Variants in TMEM135 observed in about 807,000 individuals in gnomAD.
TMEM135 encodes peroxisomal membrane protein 52.
Under a neutral mutation model 60.3 loss-of-function variants are expected in TMEM135, and 30 were observed. The observed-to-expected ratio is 0.50, with a 90% confidence interval of 0.37 to 0.68. The LOEUF is 0.68. Among genes scored for constraint, TMEM135 ranks in the 30% least tolerant of loss-of-function variants. TMEM135 has a pLI of 0.00. For synonymous variants in TMEM135, 190 were observed against 186.7 expected (o/e 1.02, Z -0.14); for missense variants, 468 against 548.8 (o/e 0.85, Z 1.47).
chr11:87,312,689 A>G (rs1942661482), intron 10 of TMEM135, among the ~76,000 whole-genome samples: 1 of 151,806 alleles, frequency 6.6e-6, no homozygotes, highest in Admixed American at 6.6e-5. Flanking sequence ...ACATCATAAG[A>G]TGTTGTCATT....
chr11:87,099,893 A>G (rs1176560976), intron 4 of TMEM135, among the ~76,000 whole-genome samples: 1 of 151,658 alleles, frequency 6.6e-6, no homozygotes, highest in Non-Finnish European at 1.5e-5. Flanking sequence ...TTGTTGGTCA[A>G]GCTGGTCTCG....
intron 6 of TMEM135, among the ~76,000 whole-genome samples, chr11:87,240,909 C>T (rs500181): frequency 0.094 from 13,539 of 143,450 alleles, 620 homozygotes; most frequent in Middle Eastern, 0.11. Context: ...AGCAGTTAAT[C>T]TATAGACTAT....
chr11:87,286,292 A>T (rs1452913348), intron 6 of TMEM135, among the ~76,000 whole-genome samples: 1 of 124,894 alleles, frequency 8.0e-6, no homozygotes, highest in Non-Finnish European at 1.8e-5. Context: ...CTTTAGCTAG[A>T]CATATTCTCC....
chr11:87,096,574 A>G (rs1428309210), intron 4 of TMEM135: 4 of 152,246 alleles, frequency 2.6e-5, no homozygotes, highest in Non-Finnish European at 4.4e-5. Flanking sequence ...ATGTTACTTA[A>G]TACACAGTCA....
intron 6 of TMEM135, among the ~76,000 whole-genome samples, chr11:87,239,756 T>C (rs1941088884): frequency 6.6e-6 from 1 of 151,752 alleles, no homozygotes. Flanking sequence ...TGCCAGTTTT[T>C]TTTTTTTCAA....
chr11:87,304,638 A>G (rs899119613), intron 8 of TMEM135, among the ~76,000 whole-genome samples: 5 of 152,212 alleles, frequency 3.3e-5, no homozygotes, highest in Non-Finnish European at 5.9e-5. Context: ...TGACTAGGAA[A>G]GGCTGTATGC....
rs1487938269 is a variant in TMEM135 at position 87,239,259 on chromosome 11, G to A, written c.509+2575G>A. Among the ~76,000 whole-genome samples, 3 of 152,022 alleles carry A rather than the reference G, an allele frequency of 2.0e-5. No individual in the cohort carries two copies. In the East Asian group the frequency reaches 5.8e-4, roughly 29 times the overall value. On this transcript the variant is annotated intron_variant, in intron 6 of 14. Coordinates refer to ENST00000305494, the MANE Select transcript of TMEM135 (RefSeq NM_022918.4). ...TTTTAATTTTCTGAGGAAAGGGGTTGTTTTTCTCCTAAAAGAAGTACTATC... is the reference window on the plus strand; with the variant it reads ...TTTTAATTTTCTGAGGAAAGGGGTTATTTTTCTCCTAAAAGAAGTACTATC...
At chr11:87,219,032 G>A (rs1033963834) in intron 5 of TMEM135, among the ~76,000 whole-genome samples, 1 of 152,092 alleles carries the variant, frequency 6.6e-6, no homozygotes, top group African/African-American at 2.4e-5. Context: ...ATTAAAGCAA[G>A]ACAATATGAT....
intron 6 of TMEM135, among the ~76,000 whole-genome samples, chr11:87,265,915 T>C (rs1486066405): frequency 6.6e-6 from 1 of 152,160 alleles, no homozygotes; most frequent in Non-Finnish European, 1.5e-5. Flanking sequence ...TTAAGATCTC[T>C]TTACGTGCAT....
intron 4 of TMEM135, among the ~76,000 whole-genome samples, chr11:87,099,682 G>GATTTTTTT (rs1857409100): frequency 9.1e-6 from 1 of 109,386 alleles, no homozygotes; most frequent in Non-Finnish European, 1.8e-5. Context: ...TTTCATGGTG[G>GATTTTTTT]TTTTTTTTTT....
At chr11:87,224,040 C>T (rs2135359040) in intron 5 of TMEM135, among the ~76,000 whole-genome samples, 1 of 152,260 alleles carries the variant, frequency 6.6e-6, no homozygotes, top group East Asian at 1.9e-4. Flanking sequence ...TTTGGAATGA[C>T]CATATGCCCA....
chr11:87,304,246 C>T (rs1942496945), intron 8 of TMEM135, among the ~76,000 whole-genome samples: 1 of 152,100 alleles, frequency 6.6e-6, no homozygotes, highest in African/African-American at 2.4e-5. Context: ...TGGCATGTGC[C>T]TGTAGTCCTA....
intron 6 of TMEM135, among the ~76,000 whole-genome samples, chr11:87,242,202 T>C (rs1298266031): frequency 9.9e-5 from 15 of 151,594 alleles, no homozygotes; most frequent in Admixed American, 9.9e-4. Context: ...TATGGCTGCA[T>C]AGTATTCCAT....
intron 5 of TMEM135, among the ~76,000 whole-genome samples, chr11:87,188,752 A>G (rs1939715674): frequency 6.6e-6 from 1 of 152,046 alleles, no homozygotes; most frequent in South Asian, 2.1e-4. Flanking sequence ...ATACTTGACA[A>G]AATTTCAAAA....
At chr11:87,233,214 A>G (rs1208189862) in intron 5 of TMEM135, among the ~76,000 whole-genome samples, 1 of 152,024 alleles carries the variant, frequency 6.6e-6, no homozygotes, top group Non-Finnish European at 1.5e-5. Flanking sequence ...GAGGGGAAAA[A>G]ACAGTAAGAG....
At chr11:87,246,390 T>C (rs770591809) in intron 6 of TMEM135, among the ~76,000 whole-genome samples, 1,557 of 151,846 alleles carry the variant, frequency 0.01, 12 homozygotes, top group Non-Finnish European at 0.016. Context: ...TGAATCTGAA[T>C]GTTGGCCTGC....
At chr11:87,274,274 A>G (rs1392008813) in intron 6 of TMEM135, among the ~76,000 whole-genome samples, 1 of 129,678 alleles carries the variant, frequency 7.7e-6, no homozygotes, top group African/African-American at 2.6e-5. Context: ...AGGCAAAGCT[A>G]AATTGGTAAC....
At chr11:87,314,450 A>T in intron 11 of TMEM135, 21 bp from the exon 12 acceptor site, 1 of 1,580,562 alleles carries the variant, frequency 6.3e-7, no homozygotes, top group Middle Eastern at 1.7e-4. Context: ...CTTATCAGTT[A>T]TTTCTTATTT....
At chr11:87,193,157 A>T (rs956212772) in intron 5 of TMEM135, among the ~76,000 whole-genome samples, 1 of 152,110 alleles carries the variant, frequency 6.6e-6, no homozygotes, top group African/African-American at 2.4e-5. Flanking sequence ...CATCATATAT[A>T]ATAGGCCATC....
Sources: allele counts gnomAD v4.1 joint callset (sites outside exome capture counted in the v4.1 genomes callset), GRCh38; gene constraint gnomAD v4.1.1; transcripts MANE v1.5; gene names NCBI Gene and HGNC (gene_info 2026-07-23, HGNC 2026-07-21).